ZNF438: variants seen among roughly 807,000 people sequenced by gnomAD.
ZNF438 encodes the protein zinc finger protein 438.
Under a neutral mutation model 38.0 loss-of-function variants are expected in ZNF438, and 25 were observed. The ratio of observed to expected loss-of-function variants is 0.66; its 90% CI spans 0.48 to 0.92. The LOEUF is 0.92. Among genes scored for constraint, ZNF438 ranks in the 40% least tolerant of loss-of-function variants. The pLI is 0.00. For synonymous variants in ZNF438, 372 were observed against 364.1 expected, an observed-to-expected ratio of 1.02 and a Z score of -0.25; for missense variants, 1,007 against 999.6, an observed-to-expected ratio of 1.01 and a Z score of -0.10.
intron 1 of ZNF438, among the ~76,000 whole-genome samples, chr10:30,991,342 T>C (rs1317751657): frequency 6.6e-6 from 1 of 152,194 alleles, no homozygotes; most frequent in Non-Finnish European, 1.5e-5. Flanking sequence ...TTCCTTACTC[T>C]AGCCAGCCCT....
intron 1 of ZNF438, among the ~76,000 whole-genome samples, chr10:30,975,857 C>A (rs2051279278): frequency 6.6e-6 from 1 of 151,004 alleles, no homozygotes; most frequent in East Asian, 1.9e-4. Context: ...TTCTTTATGC[C>A]CATATAAAAG....
intron 1 of ZNF438, among the ~76,000 whole-genome samples, chr10:31,004,526 G>A (rs1021426321): frequency 2.6e-5 from 4 of 152,190 alleles, no homozygotes; most frequent in Non-Finnish European, 5.9e-5. Context: ...CTGATAGGGG[G>A]TTAAAAGGTT....
At chr10:31,007,515 C>T (rs935840611) in intron 1 of ZNF438, among the ~76,000 whole-genome samples, 25 of 152,048 alleles carry the variant, frequency 1.6e-4, no homozygotes, top group African/African-American at 5.1e-4. Flanking sequence ...CTCCTGACCT[C>T]GTGATCTGCC....
At chr10:30,912,969 T>C (rs564953081) in intron 2 of ZNF438, among the ~76,000 whole-genome samples, 1 of 152,232 alleles carries the variant, frequency 6.6e-6, no homozygotes, top group Admixed American at 6.5e-5. Flanking sequence ...CCATTTCTAA[T>C]ACAACATATC....
chr10:30,905,478 A>G (rs1018289581), intron 3 of ZNF438, among the ~76,000 whole-genome samples: 2 of 152,210 alleles, frequency 1.3e-5, no homozygotes, highest in East Asian at 3.8e-4. Context: ...GAGTTGTAAC[A>G]GTTCTTTATA....
intron 1 of ZNF438, among the ~76,000 whole-genome samples, chr10:30,972,974 A>T (rs1265381448): frequency 6.6e-6 from 1 of 152,188 alleles, no homozygotes; most frequent in African/African-American, 2.4e-5. Flanking sequence ...CATCATCATC[A>T]TCTTCATCAT....
At chr10:30,903,734 C>T (rs1034449499) in intron 3 of ZNF438, among the ~76,000 whole-genome samples, 3 of 152,108 alleles carry the variant, frequency 2.0e-5, no homozygotes, top group Admixed American at 2.0e-4. Flanking sequence ...AAAATATAGC[C>T]AACATTTGTA....
At chr10:30,880,254 A>G (rs2039029727) in intron 3 of ZNF438, among the ~76,000 whole-genome samples, 1 of 152,008 alleles carries the variant, frequency 6.6e-6, no homozygotes, top group Admixed American at 6.5e-5. Flanking sequence ...AACATGGAGA[A>G]ACCCTGTCTC....
chr10:30,929,245 T>C (rs147054496), intron 2 of ZNF438, among the ~76,000 whole-genome samples: 19 of 152,312 alleles, frequency 1.2e-4, no homozygotes, highest in African/African-American at 4.1e-4. Flanking sequence ...GATGAAGCCA[T>C]GGACCCTCGC....
At chr10:30,946,921 T>C (rs74581910) in intron 1 of ZNF438, among the ~76,000 whole-genome samples, 12,072 of 152,286 alleles carry the variant, frequency 0.079, 570 homozygotes, top group Non-Finnish European at 0.11. Context: ...GTTTAAAATA[T>C]GCACATTTAA....
chr10:30,873,445 C>A (rs2037821225), intron 4 of ZNF438, among the ~76,000 whole-genome samples: 1 of 152,212 alleles, frequency 6.6e-6, no homozygotes, highest in Non-Finnish European at 1.5e-5. Context: ...ATTAATAATG[C>A]TGCCAGCTCT....
intron 1 of ZNF438, among the ~76,000 whole-genome samples, chr10:30,990,416 G>C (rs2053357429): frequency 6.6e-6 from 1 of 152,254 alleles, no homozygotes; most frequent in East Asian, 1.9e-4. Flanking sequence ...TTGACAGTAG[G>C]TTATCCAGAC....
At chr10:31,016,954 C>A (rs1013661819) in intron 1 of ZNF438, among the ~76,000 whole-genome samples, 5 of 152,152 alleles carry the variant, frequency 3.3e-5, no homozygotes, top group African/African-American at 1.2e-4. Flanking sequence ...AGGTCTAGGT[C>A]TCTGGGCAAT....
Position 30,848,801 on chromosome 10 carries a change from T to G in ZNF438, c.1604A>C (p.Tyr535Ser), listed in dbSNP as rs144060244. The change falls in exon 5 of 6, where the codon TAC becomes TCC. Residue 535 changes from tyrosine (Y) to serine (S), a missense_variant. Tyr to Ser is a moderately radical substitution (Grantham distance 144). Coordinates refer to ENST00000413025, the Ensembl canonical transcript of ZNF438. ...GGACTTGCGACAAATCCGACAACTG[T>G]AAGGGCGTCTGTTGGTGTGTGTATT... is the stretch of plus-strand genomic sequence containing the variant. 9 of 1,614,068 alleles carry G rather than the reference T, an allele frequency of 5.6e-6. No homozygotes were observed. The highest frequency in any genetic ancestry group is 7.6e-6 in the Non-Finnish European group (9 of 1,180,044).
At chr10:30,945,208 G>C (rs112482910) in intron 1 of ZNF438, among the ~76,000 whole-genome samples, 1 of 151,610 alleles carries the variant, frequency 6.6e-6, no homozygotes, top group Admixed American at 6.6e-5. Context: ...TTAGTATCAG[G>C]CTTACAGACA....
chr10:30,912,262 T>C (rs1011308747), intron 2 of ZNF438, among the ~76,000 whole-genome samples: 35 of 152,266 alleles, frequency 2.3e-4, no homozygotes, highest in African/African-American at 8.4e-4. Flanking sequence ...AAGACCCTTC[T>C]GTCAAAGTTG....
chr10:30,943,160 G>C (rs888919456), intron 1 of ZNF438, among the ~76,000 whole-genome samples: 4 of 152,134 alleles, frequency 2.6e-5, no homozygotes, highest in Non-Finnish European at 5.9e-5. Context: ...AAATACAAGG[G>C]AGAGTGCTAA....
intron 1 of ZNF438, among the ~76,000 whole-genome samples, chr10:31,003,901 GA>G (rs368271256): frequency 1.4e-4 from 22 of 152,114 alleles, no homozygotes; most frequent in African/African-American, 5.1e-4. Context: ...TCTAAAATCT[GA>G]AAATCTGGGG....
At chr10:31,008,148 A>G (rs2133009869) in intron 1 of ZNF438, among the ~76,000 whole-genome samples, 1 of 152,344 alleles carries the variant, frequency 6.6e-6, no homozygotes, top group East Asian at 1.9e-4. Flanking sequence ...CAAGCCTGCA[A>G]GCAAGGAAAA....
Sources: allele counts gnomAD v4.1 joint callset (sites outside exome capture counted in the v4.1 genomes callset), GRCh38; gene constraint gnomAD v4.1.1; transcripts MANE v1.5; gene names NCBI Gene and HGNC (gene_info 2026-07-23, HGNC 2026-07-21).